Variants in BCAS3 observed in about 807,000 individuals in gnomAD.
BCAS3 encodes BCAS4/BCAS3 fusion.
Under a neutral mutation model 116.1 loss-of-function variants are expected in BCAS3, and 53 were observed. The ratio of observed to expected loss-of-function variants is 0.46; its 90% CI spans 0.37 to 0.57. The LOEUF is 0.57. BCAS3 is among the 20% of genes least tolerant of loss of function. The pLI, the probability that BCAS3 is intolerant of heterozygous loss-of-function variation, is 0.00. For missense variants in BCAS3, 917 were observed against 1,165.4 expected (o/e 0.79, Z 3.10); for synonymous variants, 391 against 408.2 (o/e 0.96, Z 0.51).
intron 22 of BCAS3, among the ~76,000 whole-genome samples, chr17:61,319,188 A>G (rs903239748): frequency 6.6e-6 from 1 of 152,228 alleles, no homozygotes; most frequent in African/African-American, 2.4e-5. Context: ...GCTTCTCCAC[A>G]TGCTGATCCC....
At chr17:61,011,813 T>C (rs149327166) in intron 15 of BCAS3, among the ~76,000 whole-genome samples, 105 of 152,182 alleles carry the variant, frequency 6.9e-4, no homozygotes, top group African/African-American at 2.2e-3. Flanking sequence ...ATTTTAACAA[T>C]AGGTCCTGGA....
chr17:60,863,830 A>G (rs1486955362), intron 7 of BCAS3, among the ~76,000 whole-genome samples: 1 of 152,064 alleles, frequency 6.6e-6, no homozygotes, highest in Non-Finnish European at 1.5e-5. Context: ...CAATGTGCAT[A>G]CCTTAATTAA....
chr17:60,779,615 C>T (rs777118634), intron 6 of BCAS3, among the ~76,000 whole-genome samples: 4 of 152,164 alleles, frequency 2.6e-5, no homozygotes, highest in Non-Finnish European at 5.9e-5. Flanking sequence ...GTGATCCACC[C>T]GCCTTGGCCT....
intron 3 of BCAS3, among the ~76,000 whole-genome samples, chr17:60,687,067 G>A (rs1256590142): frequency 6.6e-6 from 1 of 152,090 alleles, no homozygotes; most frequent in East Asian, 1.9e-4. Context: ...CATACAGAAT[G>A]ACACCTACAA....
chr17:60,767,151 G>A (rs1450166074), intron 6 of BCAS3, among the ~76,000 whole-genome samples: 1 of 152,056 alleles, frequency 6.6e-6, no homozygotes, highest in African/African-American at 2.4e-5. Context: ...TTGCGCTTCC[G>A]GGGTGAGGCA....
rs1420834443 is a variant in BCAS3 at position 61,156,452 on chromosome 17, G to A, written c.2425+71888G>A. Among the ~76,000 whole-genome samples, 1 of 152,138 alleles carries A rather than the reference G, an allele frequency of 6.6e-6. No homozygotes were observed. Among genetic ancestry groups the A allele is most frequent in the Non-Finnish European group, 1.5e-5 (1 of 68,030 alleles). On this transcript the variant is annotated intron_variant, in intron 22 of 23. Coordinates refer to ENST00000407086, the MANE Select transcript of BCAS3 (RefSeq NM_017679.5). This position sits in a 1 kb window ranked among gnomAD's most constrained non-coding sequence, Gnocchi z 4.7. ...ATGAGATAGAGAAATGGAAATACGT[G>A]CTTTGTGGAGGATCCTGTTTTCCTT...
intron 10 of BCAS3, 63 bp from the exon 11 acceptor site, chr17:60,902,557 G>A (rs1480162772): frequency 7.6e-7 from 1 of 1,319,208 alleles, no homozygotes; most frequent in African/African-American, 1.4e-5. Context: ...TATCCTGATA[G>A]CCTGTAGAGT....
chr17:60,999,694 A>G (rs1426413821), intron 15 of BCAS3, among the ~76,000 whole-genome samples: 3 of 152,290 alleles, frequency 2.0e-5, no homozygotes, highest in Non-Finnish European at 2.9e-5. Context: ...AAAAGATGAC[A>G]TTAGTAATTT....
In BCAS3 at chr17:60,994,301, C is replaced by A. The variant is rs2063709914; in HGVS notation, c.1486+4066C>A. Among the ~76,000 whole-genome samples, 1 of 151,772 alleles carries A rather than the reference C, an allele frequency of 6.6e-6. No individual in the cohort carries two copies. The highest frequency in any genetic ancestry group is 2.1e-4 in the South Asian group (1 of 4,806). On this transcript the variant is annotated intron_variant, in intron 15 of 23. Transcript: ENST00000407086. This position sits in a 1 kb window ranked among gnomAD's most constrained non-coding sequence, Gnocchi z 4.4. ...ATTGATTATATACATTACTATAACA[C>A]TTTATTTTTAATATATTGATAACTG...
At chr17:61,212,517 C>T (rs554659148) in intron 22 of BCAS3, among the ~76,000 whole-genome samples, 7 of 146,708 alleles carry the variant, frequency 4.8e-5, no homozygotes, top group South Asian at 2.1e-4. Context: ...GTTATATTAA[C>T]GAAAGAAAAG....
At chr17:60,786,841 G>A (rs911598509) in intron 6 of BCAS3, among the ~76,000 whole-genome samples, 10 of 152,082 alleles carry the variant, frequency 6.6e-5, no homozygotes, top group African/African-American at 2.2e-4. Context: ...TTTTATTATC[G>A]ACAATCCCTT....
chr17:61,177,412 G>T (rs1205132568), intron 22 of BCAS3, among the ~76,000 whole-genome samples: 1 of 152,036 alleles, frequency 6.6e-6, no homozygotes, highest in Non-Finnish European at 1.5e-5. Context: ...CGATAATATG[G>T]GTGGATCTCA....
At position 61,126,814 on chromosome 17, in the gene BCAS3, C is replaced by A. The variant is rs576648702; in HGVS notation, c.2425+42250C>A. Among the ~76,000 whole-genome samples, 1 of 152,090 alleles carries A rather than the reference C, an allele frequency of 6.6e-6. No homozygotes were observed. ...ATTTTGGTCTCTCTTAACTCTTTCA[C>A]GACTAGGGGATTTTTCTTTGTGGGA... is the stretch of plus-strand genomic sequence containing the variant. On this transcript the variant is annotated intron_variant, in intron 22 of 23. Coordinates refer to ENST00000407086, the MANE Select transcript of BCAS3 (RefSeq NM_017679.5). The surrounding 1 kb of genome is among the most constrained non-coding windows in gnomAD (Gnocchi z 4.6).
At chr17:61,166,322 C>T (rs1300150407) in intron 22 of BCAS3, among the ~76,000 whole-genome samples, 3 of 151,542 alleles carry the variant, frequency 2.0e-5, no homozygotes, top group African/African-American at 7.3e-5. Context: ...GCAAATAGCT[C>T]CATAAAGCAT....
At chr17:61,358,189 C>T (rs948401400) in intron 22 of BCAS3, among the ~76,000 whole-genome samples, 5 of 152,096 alleles carry the variant, frequency 3.3e-5, no homozygotes, top group African/African-American at 4.8e-5. Flanking sequence ...AACATTTTGT[C>T]GTGAATCATT....
In BCAS3 at chr17:60,933,558, C is replaced by T. The variant is rs2059771913; in HGVS notation, c.1087+9058C>T. ...GATGCTTGGCTGCATCTTTAGCAGA[C>T]TTGAAATTCTTCTGGTTACTTAAAT... On this transcript the variant is annotated intron_variant, in intron 13 of 23. Transcript: ENST00000407086. Among the ~76,000 whole-genome samples the T allele has an allele frequency of 2.0e-5, 3 of 152,256 alleles. No homozygotes were observed. The East Asian group carries it at 5.8e-4, about 29-fold the overall frequency.
intron 22 of BCAS3, among the ~76,000 whole-genome samples, chr17:61,298,178 T>G (rs1035195701): frequency 1.3e-5 from 2 of 152,194 alleles, no homozygotes; most frequent in African/African-American, 4.8e-5. Context: ...AATGGCAGCT[T>G]CTTCTCACTC....
intron 6 of BCAS3, among the ~76,000 whole-genome samples, chr17:60,801,368 A>G (rs1476179355): frequency 1.3e-5 from 2 of 151,848 alleles, no homozygotes; most frequent in Non-Finnish European, 2.9e-5. Context: ...GGACTAACTG[A>G]TTCTAGTTTT....
intron 22 of BCAS3, among the ~76,000 whole-genome samples, chr17:61,270,992 C>G (rs926573431): frequency 6.6e-6 from 1 of 151,582 alleles, no homozygotes; most frequent in Admixed American, 6.6e-5. Context: ...CTCCTGATCT[C>G]GTGATCCGCC....
Sources: gnomAD v4.1 joint callset for allele counts (sites outside exome capture counted in the v4.1 genomes callset) on GRCh38, gnomAD v4.1.1 for gene constraint, Gnocchi (gnomAD v3.1) non-coding constraint, MANE v1.5 for transcripts, NCBI Gene and HGNC (gene_info 2026-07-23, HGNC 2026-07-21) for gene names.